Variants in RAPGEF5 observed in about 807,000 individuals in gnomAD.
The protein encoded by RAPGEF5 is M-Ras-regulated GEF.
A neutral mutation model predicts 125.2 loss-of-function variants in RAPGEF5; 65 were observed. The observed-to-expected ratio is 0.52, with a 90% CI of 0.43 to 0.64. The LOEUF is 0.64. Ranked by LOEUF, RAPGEF5 falls within the 30% of genes least tolerant of loss-of-function variation. The pLI, the probability that RAPGEF5 is intolerant of heterozygous loss-of-function variation, is 0.00. For synonymous variants in RAPGEF5, 391 were observed against 385.9 expected (o/e 1.01, Z -0.16); for missense variants, 958 against 1,048.1 (o/e 0.91, Z 1.19).
chr7:22,256,814 C>G (rs1786773051), intron 7 of RAPGEF5, among the ~76,000 whole-genome samples: 1 of 152,160 alleles, frequency 6.6e-6, no homozygotes, highest in South Asian at 2.1e-4. Context: ...ATAAGCAATC[C>G]AACAACGAGA....
chr7:22,347,397 T>A (rs1421490387), intron 1 of RAPGEF5, among the ~76,000 whole-genome samples: 1 of 152,206 alleles, frequency 6.6e-6, no homozygotes, highest in Admixed American at 6.5e-5. Flanking sequence ...CTATATTTTT[T>A]AAATAAAACA....
chr7:22,193,797 A>G (rs750528900), intron 10 of RAPGEF5, 118 bp downstream of exon 10: 2 of 1,608,154 alleles, frequency 1.2e-6, no homozygotes, highest in South Asian at 1.1e-5. Flanking sequence ...CGGAGAGAAA[A>G]GAGAGGGAGG....
chr7:22,150,074 CTTTTTTTTTTTTT>C (rs71550462), intron 18 of RAPGEF5, among the ~76,000 whole-genome samples: 1 of 76,288 alleles, frequency 1.3e-5, no homozygotes, highest in Non-Finnish European at 2.5e-5. Flanking sequence ...ACGTGTGTTC[CTTTTTTTTTTTTT>C]TTTTTTTTTT....
rs1583379627 is a variant in RAPGEF5, at chr7:22,124,924, G to A, written c.2536+680C>T. Among the ~76,000 whole-genome samples, 3 of 152,296 alleles carry A rather than the reference G, an allele frequency of 2.0e-5. No individual in the cohort carries two copies. In the East Asian group the frequency reaches 5.8e-4, roughly 29 times the overall value. Reference sequence around the variant, plus strand: ...TTAATAATCCCCATTTGCTAGGACTGATGTCAGGATTCCATTGCCCATGTG... The same window carrying A: ...TTAATAATCCCCATTTGCTAGGACTAATGTCAGGATTCCATTGCCCATGTG... On this transcript the variant is annotated intron_variant, in intron 25 of 25. Transcript: ENST00000665637.
chr7:22,122,587 A>G, intron 25 of RAPGEF5, 66 bp from the exon 26 acceptor site: 1 of 1,164,500 alleles, frequency 8.6e-7, no homozygotes, highest in Non-Finnish European at 1.3e-6. Context: ...ACATACCAAC[A>G]AAACCCCACA....
chr7:22,265,633 C>T (rs1010915985), intron 7 of RAPGEF5, among the ~76,000 whole-genome samples: 2 of 152,070 alleles, frequency 1.3e-5, no homozygotes, highest in African/African-American at 4.8e-5. Context: ...TCTATTTTGA[C>T]ATTTTTGAAG....
chr7:22,208,823 A>G (rs557894895), intron 9 of RAPGEF5, among the ~76,000 whole-genome samples: 2 of 152,370 alleles, frequency 1.3e-5, no homozygotes, highest in East Asian at 3.9e-4. Flanking sequence ...TTCTTCTCCA[A>G]AGATTCTAGG....
chr7:22,314,002 T>G (rs1004772596), intron 3 of RAPGEF5, among the ~76,000 whole-genome samples: 1 of 152,202 alleles, frequency 6.6e-6, no homozygotes, highest in Non-Finnish European at 1.5e-5. Context: ...AAGAGCTCCG[T>G]GAGTCCATAC....
rs746138543 is a variant in RAPGEF5, at chr7:22,219,859, G to C, written c.996+7C>G. Reference sequence around the variant, plus strand: ...AAACCTGCATCCCCAAGAGGCAAAAGGCTTACGTGTTCAGACTTCTCCTGT... The same window carrying C: ...AAACCTGCATCCCCAAGAGGCAAAACGCTTACGTGTTCAGACTTCTCCTGT... On this transcript the variant is annotated splice_region_variant and intron_variant, in intron 9 of 25. Coordinates refer to ENST00000665637, the MANE Select transcript of RAPGEF5 (RefSeq NM_012294.5). 1 of 1,599,564 alleles carries C rather than the reference G, an allele frequency of 6.3e-7. No individual in the cohort carries two copies. Among genetic ancestry groups the C allele is most frequent in the South Asian group, 1.1e-5 (1 of 89,512 alleles).
chr7:22,160,751 G>A (rs1433874915), intron 13 of RAPGEF5, 136 bp from the exon 14 acceptor site: 1 of 1,054,882 alleles, frequency 9.5e-7, no homozygotes, highest in Non-Finnish European at 1.2e-6. Flanking sequence ...AGGTGCCAAT[G>A]AGATCCAGAA....
At chr7:22,179,970 A>G (rs1784624220) in intron 11 of RAPGEF5, among the ~76,000 whole-genome samples, 2 of 152,294 alleles carry the variant, frequency 1.3e-5, no homozygotes, top group Admixed American at 6.5e-5. Flanking sequence ...TGCTCTGCCT[A>G]TGGAGTAGCC....
intron 11 of RAPGEF5, among the ~76,000 whole-genome samples, chr7:22,179,310 T>C (rs796650182): frequency 8.5e-5 from 13 of 152,286 alleles, no homozygotes; most frequent in African/African-American, 3.1e-4. Flanking sequence ...TGACAAGAAT[T>C]TAGAGTGAAT....
intron 1 of RAPGEF5, among the ~76,000 whole-genome samples, chr7:22,334,135 C>T (rs990074304): frequency 2.0e-5 from 3 of 152,010 alleles, no homozygotes; most frequent in African/African-American, 4.8e-5. Context: ...CCACACCCCA[C>T]GGACCTCAGC....
Position 22,287,108 on chromosome 7 carries a change from T to A in RAPGEF5, c.747+4067A>T, listed in dbSNP as rs986377459. Reference sequence around the variant, plus strand: ...GACTTTATGTAATGGAAAGGGTCCATTACAGCCATGTCCTTTTTCCTTAAG... The same window carrying A: ...GACTTTATGTAATGGAAAGGGTCCAATACAGCCATGTCCTTTTTCCTTAAG... On this transcript the variant is annotated intron_variant, in intron 6 of 25. Coordinates refer to ENST00000665637, the MANE Select transcript of RAPGEF5 (RefSeq NM_012294.5). Among the ~76,000 whole-genome samples, 3 of 152,226 alleles carry A rather than the reference T, an allele frequency of 2.0e-5. No homozygotes were observed. The East Asian group carries it at 5.8e-4, about 29-fold the overall frequency.
chr7:22,317,959 A>T (rs1783636220), intron 2 of RAPGEF5, 28 bp downstream of exon 2: 1 of 1,546,358 alleles, frequency 6.5e-7, no homozygotes, highest in African/African-American at 1.4e-5. Flanking sequence ...TATTTCAGAA[A>T]AGGCAGTAAA....
chr7:22,143,848 GAC>G (rs1783343353), intron 20 of RAPGEF5, among the ~76,000 whole-genome samples: 1 of 152,226 alleles, frequency 6.6e-6, no homozygotes, highest in Non-Finnish European at 1.5e-5. Flanking sequence ...ATTACCCACT[GAC>G]ACACTGCACG....
At chr7:22,238,975 C>T (rs1213320641) in intron 7 of RAPGEF5, among the ~76,000 whole-genome samples, 1 of 151,762 alleles carries the variant, frequency 6.6e-6, no homozygotes, top group Non-Finnish European at 1.5e-5. Context: ...AGGCTGAAAA[C>T]AAACAAAAAA....
chr7:22,169,884 T>G (rs1484838756), intron 11 of RAPGEF5, among the ~76,000 whole-genome samples: 6 of 10,410 alleles, frequency 5.8e-4, no homozygotes, highest in Admixed American at 2.6e-3. Flanking sequence ...AAAAAAAAGC[T>G]GAATCTTCCC....
At chr7:22,309,146 A>G (rs1783412862) in intron 4 of RAPGEF5, among the ~76,000 whole-genome samples, 1 of 152,252 alleles carries the variant, frequency 6.6e-6, no homozygotes, top group African/African-American at 2.4e-5. Flanking sequence ...AAAAGGTATT[A>G]GTACAAAATG....
Sources: gnomAD v4.1 joint callset for allele counts (sites outside exome capture counted in the v4.1 genomes callset) on GRCh38, gnomAD v4.1.1 for gene constraint, MANE v1.5 for transcripts, NCBI Gene and HGNC (gene_info 2026-07-23, HGNC 2026-07-21) for gene names.